TTLL1: variants seen among roughly 807,000 people sequenced by gnomAD.
The protein encoded by TTLL1 is polyglutamylase complex subunit TTLL1.
Under a neutral mutation model 47.8 loss-of-function variants are expected in TTLL1, and 33 were observed. That is an observed-to-expected ratio of 0.69 (90% CI 0.52 to 0.92). The LOEUF (loss-of-function observed/expected upper bound fraction) is 0.92, where lower values mean the gene tolerates loss of function less well. Among genes scored for constraint, TTLL1 ranks in the 40% least tolerant of loss-of-function variants. The pLI, the probability that TTLL1 is intolerant of heterozygous loss-of-function variation, is 0.00. For missense variants in TTLL1, 488 were observed against 547.5 expected (o/e 0.89, Z 1.08); for synonymous variants, 225 against 214.1 (o/e 1.05, Z -0.45).
chr22:43,088,324 C>CTTTTTTTTT lies in TTLL1; in HGVS notation c.-90+944_-90+952dup, dbSNP rs1167618669. On this transcript the variant is annotated intron_variant, in intron 1 of 10. Coordinates refer to ENST00000266254, the MANE Select transcript of TTLL1 (RefSeq NM_012263.5). ...AATTTGAGGGCAGAGAAGGGCCCAT[C>CTTTTTTTTT]TTTTTTTTTTTTTTTTTTTTTTTTT... 1.2e-3 allele frequency among the ~76,000 whole-genome samples: 69 copies of CTTTTTTTTT among 56,486 alleles called. 10 individuals carry two copies. The highest frequency in any genetic ancestry group is 4.8e-3 in the African/African-American group (66 of 13,658). 37.1% of individuals were successfully genotyped at this position (56,486 alleles called of 152,430 possible).
At chr22:43,078,370 C>T (rs1375477450) in intron 2 of TTLL1, among the ~76,000 whole-genome samples, 2 of 152,094 alleles carry the variant, frequency 1.3e-5, no homozygotes, top group Non-Finnish European at 2.9e-5. Flanking sequence ...GTGGCATGTG[C>T]CTGTAATCCC....
Position 43,070,263 on chromosome 22 carries a change from G to A in TTLL1, c.114-419C>T, listed in dbSNP as rs752726986. 1.4e-4 allele frequency: 182 copies of A among 1,271,988 alleles called. No homozygotes were observed. In the Admixed American group the frequency reaches 3.5e-3, roughly 24 times the overall value. The allele number at this position is 1,271,988 out of a possible 1,614,324, so 78.8% of individuals were successfully genotyped here. A position where few individuals can be genotyped will look rare whatever the true frequency, so the allele number is the denominator to read the frequency against. On this transcript the variant is annotated intron_variant, in intron 3 of 10. Transcript: ENST00000266254. ...GGAGCCTTTAAAAACAAAATCACAG[G>A]GGTTATTTAAGGGCCCTGAGTCAGT...
intron 2 of TTLL1, 118 bp from the exon 3 acceptor site, chr22:43,075,708 C>T: frequency 1.2e-6 from 1 of 859,084 alleles, no homozygotes; most frequent in Non-Finnish European, 1.9e-6. Flanking sequence ...GGCAATGGTT[C>T]TCAACCAGGA....
chr22:43,054,291 GT>G (rs1452970006), intron 8 of TTLL1, among the ~76,000 whole-genome samples: 2 of 152,190 alleles, frequency 1.3e-5, no homozygotes, highest in African/African-American at 4.8e-5. Context: ...TAGGTCCCGG[GT>G]TTTTTCTGTC....
rs1414022776 is a variant in TTLL1, at chr22:43,070,281, G to C, written c.114-437C>G. 3.6e-6 allele frequency: 4 copies of C among 1,108,708 alleles called. No homozygotes were observed. In the Admixed American group the frequency reaches 9.3e-5, roughly 26 times the overall value. The allele number at this position is 1,108,708 out of a possible 1,614,324, so 68.7% of individuals were successfully genotyped here. ...ATCACAGGGGTTATTTAAGGGCCCT[G>C]AGTCAGTATTTGATATTCTTGGAGA... On this transcript the variant is annotated intron_variant, in intron 3 of 10. Transcript: ENST00000266254.
chr22:43,041,485 C>T (rs137927924), intron 10 of TTLL1, among the ~76,000 whole-genome samples: 14 of 150,856 alleles, frequency 9.3e-5, no homozygotes, highest in Non-Finnish European at 1.9e-4. Context: ...CTTCTGGTGG[C>T]AAACTGGGAC....
intron 3 of TTLL1, among the ~76,000 whole-genome samples, chr22:43,074,538 G>A (rs1440631988): frequency 6.6e-6 from 1 of 150,526 alleles, no homozygotes; most frequent in African/African-American, 2.4e-5. Flanking sequence ...ATTTTTTGCT[G>A]TTGTTGAGAA....
At chr22:43,041,671 C>T (rs1033263629) in intron 10 of TTLL1, among the ~76,000 whole-genome samples, 1 of 151,658 alleles carries the variant, frequency 6.6e-6, no homozygotes, top group Non-Finnish European at 1.5e-5. Flanking sequence ...CATGCCACCA[C>T]GCCCGGCTAA....
intron 3 of TTLL1, among the ~76,000 whole-genome samples, chr22:43,073,711 C>T (rs2146985335): frequency 6.6e-6 from 1 of 152,180 alleles, no homozygotes; most frequent in African/African-American, 2.4e-5. Flanking sequence ...TTAACCCACC[C>T]CCCCATACTG....
At chr22:43,082,442 G>A (rs5759149) in intron 1 of TTLL1, among the ~76,000 whole-genome samples, 57,574 of 152,126 alleles carry the variant, frequency 0.38, 12,548 homozygotes, top group Non-Finnish European at 0.47. Context: ...GGCGTGGGGC[G>A]TAGTGGCTCA....
intron 8 of TTLL1, among the ~76,000 whole-genome samples, chr22:43,053,945 G>C (rs1443443875): frequency 1.3e-5 from 2 of 152,160 alleles, no homozygotes; most frequent in Non-Finnish European, 2.9e-5. Context: ...TGCTTAATCC[G>C]GCATTAGAAT....
chr22:43,069,919 A>G, intron 3 of TTLL1, 75 bp from the exon 4 acceptor site: 2 of 1,558,414 alleles, frequency 1.3e-6, no homozygotes, highest in East Asian at 2.3e-5. Context: ...CGTCCCCGCA[A>G]ACACCCTGAA....
At chr22:43,084,607 T>C (rs910567346) in intron 1 of TTLL1, among the ~76,000 whole-genome samples, 26 of 152,076 alleles carry the variant, frequency 1.7e-4, no homozygotes, top group Non-Finnish European at 4.4e-5. Flanking sequence ...GCTCACGCCA[T>C]TCTCCTGCCT....
chr22:43,040,088 G>C (rs1476686716), intron 10 of TTLL1, 183 bp from the exon 11 acceptor site: 37 of 708,206 alleles, frequency 5.2e-5, no homozygotes, highest in Non-Finnish European at 7.9e-5. Context: ...TGCCTGCCAG[G>C]TGGCTCTCGC....
chr22:43,052,002 C>A, intron 8 of TTLL1, 115 bp from the exon 9 acceptor site: 3 of 904,868 alleles, frequency 3.3e-6, no homozygotes, highest in East Asian at 2.4e-5. Flanking sequence ...AGCACAGGTT[C>A]CCACCCTCCA....
At chr22:43,083,590 T>C (rs1394664702) in intron 1 of TTLL1, among the ~76,000 whole-genome samples, 2 of 152,106 alleles carry the variant, frequency 1.3e-5, no homozygotes, top group East Asian at 3.9e-4. Flanking sequence ...TAGCTGGGTG[T>C]GGTGGCGCTT....
chr22:43,084,051 C>A (rs933595534), intron 1 of TTLL1, among the ~76,000 whole-genome samples: 3 of 152,276 alleles, frequency 2.0e-5, no homozygotes, highest in East Asian at 3.9e-4. Flanking sequence ...TTTTACCTAA[C>A]AATATCATGG....
At chr22:43,061,590 A>G (rs2146973215) in intron 7 of TTLL1, among the ~76,000 whole-genome samples, 1 of 151,524 alleles carries the variant, frequency 6.6e-6, no homozygotes, top group East Asian at 1.9e-4. Context: ...CAAATCAAAG[A>G]AGGAGTCTTT....
At chr22:43,053,961 C>T (rs1178550464) in intron 8 of TTLL1, among the ~76,000 whole-genome samples, 1 of 152,206 alleles carries the variant, frequency 6.6e-6, no homozygotes, top group Non-Finnish European at 1.5e-5. Flanking sequence ...AGAATTCACA[C>T]AGTCACGTGT....
Sources: allele counts gnomAD v4.1 joint callset (sites outside exome capture counted in the v4.1 genomes callset), GRCh38; gene constraint gnomAD v4.1.1; transcripts MANE v1.5; gene names NCBI Gene and HGNC (gene_info 2026-07-23, HGNC 2026-07-21).